The following AKAP19 variants were observed in gnomAD, a reference collection of about 807,000 sequenced individuals.
The protein encoded by AKAP19 is small A-kinase anchoring protein.
the AKAP19 span, among the ~76,000 whole-genome samples, chr2:190,019,761 C>T: frequency 1.3e-5 from 2 of 152,042 alleles, no homozygotes; most frequent in African/African-American, 2.4e-5. Context: ...ACTGTGGGCC[C>T]AGGATTATCC....
At chr2:190,163,763 C>T in the AKAP19 span, among the ~76,000 whole-genome samples, 1 of 152,188 alleles carries the variant, frequency 6.6e-6, no homozygotes, top group East Asian at 1.9e-4. Flanking sequence ...CTTAGTATAA[C>T]TAGGCCCTTT....
chr2:190,073,421 G>C, the AKAP19 span, among the ~76,000 whole-genome samples: 1 of 152,078 alleles, frequency 6.6e-6, no homozygotes, highest in Non-Finnish European at 1.5e-5. Flanking sequence ...TCAGAGTAAA[G>C]GGCAAATAGA....
the AKAP19 span, among the ~76,000 whole-genome samples, chr2:190,139,644 C>A: frequency 6.6e-6 from 1 of 152,106 alleles, no homozygotes; most frequent in African/African-American, 2.4e-5. Context: ...ACCATCAGAT[C>A]TCATGAGAAC....
At chr2:190,075,738 G>T in the AKAP19 span, among the ~76,000 whole-genome samples, 2 of 151,808 alleles carry the variant, frequency 1.3e-5, no homozygotes, top group East Asian at 1.9e-4. Context: ...TTTTAAAGTG[G>T]TTTTTTTGGT....
chr2:190,036,010 C>G, the AKAP19 span, among the ~76,000 whole-genome samples: 1 of 152,138 alleles, frequency 6.6e-6, no homozygotes, highest in Non-Finnish European at 1.5e-5. Context: ...AAGTAGTGCA[C>G]TATTTCAGTG....
the AKAP19 span, among the ~76,000 whole-genome samples, chr2:189,887,329 A>G: frequency 6.6e-6 from 1 of 152,240 alleles, no homozygotes; most frequent in Non-Finnish European, 1.5e-5. Context: ...ATGACTGCAT[A>G]GTATTCCATG....
At chr2:190,142,860 G>A in the AKAP19 span, among the ~76,000 whole-genome samples, 1 of 152,248 alleles carries the variant, frequency 6.6e-6, no homozygotes, top group East Asian at 1.9e-4. Flanking sequence ...CTCAATAAAA[G>A]GCAGTGTGGG....
the AKAP19 span, among the ~76,000 whole-genome samples, chr2:190,093,519 CTT>C: frequency 6.6e-6 from 1 of 152,056 alleles, no homozygotes; most frequent in Non-Finnish European, 1.5e-5. Context: ...TGTTGGGTGA[CTT>C]ATAGCAGAAG....
chr2:189,956,613 C>G, the AKAP19 span, among the ~76,000 whole-genome samples: 2 of 152,092 alleles, frequency 1.3e-5, no homozygotes, highest in Non-Finnish European at 2.9e-5. Flanking sequence ...GGGTCTCACT[C>G]TGTTGCCCAG....
chr2:189,924,119 G>A, the AKAP19 span: 9 of 1,239,856 alleles, frequency 7.3e-6, no homozygotes, highest in South Asian at 5.0e-5. Flanking sequence ...TAATGAAGAT[G>A]GGGGGATGAC....
the AKAP19 span, among the ~76,000 whole-genome samples, chr2:190,032,704 C>T: frequency 6.6e-6 from 1 of 151,864 alleles, no homozygotes; most frequent in African/African-American, 2.4e-5. Flanking sequence ...CTTATTATAA[C>T]ATCTTAGAGT....
At chr2:190,096,343 G>T in the AKAP19 span, among the ~76,000 whole-genome samples, 1 of 152,190 alleles carries the variant, frequency 6.6e-6, no homozygotes, top group Non-Finnish European at 1.5e-5. Context: ...ATTATTATGT[G>T]TATAGCACTA....
the AKAP19 span, among the ~76,000 whole-genome samples, chr2:189,898,914 A>G: frequency 1.3e-5 from 2 of 152,214 alleles, no homozygotes; most frequent in East Asian, 3.8e-4. Context: ...TTAGTATGAT[A>G]TATCAAGCAC....
chr2:190,180,623 C>A, the AKAP19 span: 6 of 985,646 alleles, frequency 6.1e-6, no homozygotes, highest in African/African-American at 1.7e-5. This position sits in a 1 kb window ranked among gnomAD's most constrained non-coding sequence, Gnocchi z 6.8. Context: ...GGCAGCCCAG[C>A]TCCGCTCCGC....
chr2:190,117,205 G>C, the AKAP19 span, among the ~76,000 whole-genome samples: 1 of 152,128 alleles, frequency 6.6e-6, no homozygotes, highest in Non-Finnish European at 1.5e-5. Flanking sequence ...AAATATAGTG[G>C]CTTTCTTAAA....
chr2:190,015,919 A>G, the AKAP19 span, among the ~76,000 whole-genome samples: 1 of 152,194 alleles, frequency 6.6e-6, no homozygotes, highest in Non-Finnish European at 1.5e-5. Context: ...AAAGCATAGC[A>G]AGAGTGACCT....
chr2:189,932,540 C>T, the AKAP19 span, among the ~76,000 whole-genome samples: 2 of 151,442 alleles, frequency 1.3e-5, no homozygotes, highest in Admixed American at 6.6e-5. Flanking sequence ...AGAATTATCC[C>T]TTCTCCTTTA....
At chr2:189,965,952 ATG>A in the AKAP19 span, among the ~76,000 whole-genome samples, 675 of 149,616 alleles carry the variant, frequency 4.5e-3, 8 homozygotes, top group African/African-American at 0.014. Context: ...GTATGTATGT[ATG>A]TGTGTGTGTG....
the AKAP19 span, among the ~76,000 whole-genome samples, chr2:189,952,839 C>G: frequency 6.6e-6 from 1 of 152,060 alleles, no homozygotes; most frequent in Non-Finnish European, 1.5e-5. Context: ...TGAATTGGTT[C>G]TTATATAACT....
Sources: allele counts gnomAD v4.1 joint callset (sites outside exome capture counted in the v4.1 genomes callset), GRCh38; gene constraint gnomAD v4.1.1; non-coding constraint Gnocchi (gnomAD v3.1); transcripts MANE v1.5; gene names NCBI Gene and HGNC (gene_info 2026-07-23, HGNC 2026-07-21).